AHCY: variants seen among roughly 807,000 people sequenced by gnomAD.
AHCY encodes the protein S-adenosyl-L-homocysteine hydrolase.
Under a neutral mutation model 45.4 loss-of-function variants are expected in AHCY, and 24 were observed. That is an observed-to-expected ratio of 0.53 (90% confidence interval 0.38 to 0.74). The LOEUF is 0.74. Ranked by LOEUF, AHCY falls within the 30% of genes least tolerant of loss-of-function variation. The pLI is 0.00. For synonymous variants in AHCY, 245 were observed against 235.1 expected, an observed-to-expected ratio of 1.04 and a Z score of -0.39; for missense variants, 449 against 594.1, an observed-to-expected ratio of 0.76 and a Z score of 2.54.
At position 34,290,767 on chromosome 20, in the gene AHCY, T is replaced by C. The variant is rs2036353596; in HGVS notation, c.730A>G (p.Ile244Val). The C allele has an allele frequency of 6.2e-7, 1 of 1,613,960 alleles. No homozygotes were observed. Among genetic ancestry groups the C allele is most frequent in the Middle Eastern group, 1.6e-4 (1 of 6,062 alleles). Residue 244 changes from isoleucine (I) to valine (V), a missense_variant, in exon 6 of 10, where the codon ATT (isoleucine) becomes GTT (valine). Physicochemically the swap from Ile to Val is conservative, Grantham distance 29 (BLOSUM62 3). Coordinates refer to ENST00000217426, the MANE Select transcript of AHCY (RefSeq NM_000687.4). The surrounding 1 kb of genome is among the most constrained non-coding windows in gnomAD (Gnocchi z 4.5). Reference protein sequence around the residue: ...GFGARVIITEIDPINALQAAM... With the variant: ...GFGARVIITEVDPINALQAAM... ...GCCTGCAGTGCGTTGATGGGGTCAATCTCGGTGATGATGACGCGGGCTCCG... is the reference window on the plus strand; with the variant it reads ...GCCTGCAGTGCGTTGATGGGGTCAACCTCGGTGATGATGACGCGGGCTCCG...
At position 34,281,566 on chromosome 20, in the gene AHCY, A is replaced by T. The variant is rs1005045199; in HGVS notation, c.1168-401T>A. On this transcript the variant is annotated intron_variant, in intron 9 of 9. Transcript: ENST00000217426. ...GGGTATCTATCAATCTCAGCTCACC[A>T]GTTCCAAGTCTATTTTACAAGTGAA... The T allele has an allele frequency of 2.6e-5, 8 of 313,044 alleles. No individual in the cohort carries two copies. In the Admixed American group the frequency reaches 3.4e-4, roughly 13 times the overall value. 19.4% of individuals were successfully genotyped at this position (313,044 alleles called of 1,614,324 possible).
At chr20:34,289,142 T>TAC (rs2036284246) in intron 8 of AHCY, among the ~76,000 whole-genome samples, 1 of 152,136 alleles carries the variant, frequency 6.6e-6, no homozygotes, top group Non-Finnish European at 1.5e-5. Context: ...TAGCTGGGAT[T>TAC]ACAGGCACCC....
chr20:34,257,163 A>T, the AHCY span, among the ~76,000 whole-genome samples: 1 of 149,968 alleles, frequency 6.7e-6, no homozygotes, highest in Admixed American at 6.7e-5. Context: ...AGCTCACTGC[A>T]ACTTCCTCCC....
At chr20:34,233,246 C>T in the AHCY span, among the ~76,000 whole-genome samples, 1 of 147,356 alleles carries the variant, frequency 6.8e-6, no homozygotes, top group Non-Finnish European at 1.5e-5. Flanking sequence ...CTCCTGGGTT[C>T]ACCCCATTCT....
downstream of AHCY, among the ~76,000 whole-genome samples, chr20:34,278,215 G>A (rs924691307): frequency 6.6e-6 from 1 of 152,270 alleles, no homozygotes; most frequent in Non-Finnish European, 1.5e-5. Context: ...AAGAGGGGCT[G>A]TGTTTTCTGA....
chr20:34,260,567 G>A, the AHCY span: 7 of 1,571,168 alleles, frequency 4.5e-6, no homozygotes, highest in Non-Finnish European at 6.1e-6. Context: ...TCTGGCCCAG[G>A]AGAGGGGCTG....
At chr20:34,267,330 TA>T in the AHCY span, among the ~76,000 whole-genome samples, 1 of 151,794 alleles carries the variant, frequency 6.6e-6, no homozygotes, top group East Asian at 1.9e-4. Context: ...AAGTAGCATT[TA>T]AATAGAGTGA....
At chr20:34,233,943 G>A in the AHCY span, among the ~76,000 whole-genome samples, 1 of 152,232 alleles carries the variant, frequency 6.6e-6, no homozygotes. Flanking sequence ...AACACTCAGT[G>A]CAATATGGCC....
chr20:34,255,729 G>A, the AHCY span, among the ~76,000 whole-genome samples: 8 of 152,230 alleles, frequency 5.3e-5, no homozygotes, highest in East Asian at 1.5e-3. Flanking sequence ...GAAGACAAGA[G>A]TGTGAGCCCT....
At chr20:34,235,272 T>C in the AHCY span, among the ~76,000 whole-genome samples, 5 of 152,160 alleles carry the variant, frequency 3.3e-5, no homozygotes, top group Non-Finnish European at 7.3e-5. Flanking sequence ...AAACCCCGTC[T>C]CTACTAAAAA....
chr20:34,244,312 A>C, the AHCY span, among the ~76,000 whole-genome samples: 42 of 152,294 alleles, frequency 2.8e-4, no homozygotes, highest in African/African-American at 9.6e-4. Context: ...TTCACTTGCT[A>C]TTTCCAGGAC....
the AHCY span, among the ~76,000 whole-genome samples, chr20:34,274,845 T>C: frequency 1.3e-5 from 2 of 152,034 alleles, no homozygotes; most frequent in Non-Finnish European, 2.9e-5. Context: ...TCTGAGCTAT[T>C]TGGGAGGCTG....
At chr20:34,245,265 C>A in the AHCY span, among the ~76,000 whole-genome samples, 1 of 134,332 alleles carries the variant, frequency 7.4e-6, no homozygotes, top group African/African-American at 2.8e-5. Flanking sequence ...ACCTGGGAGG[C>A]GGAGGTGGCA....
At chr20:34,264,316 C>T in the AHCY span, among the ~76,000 whole-genome samples, 1 of 152,150 alleles carries the variant, frequency 6.6e-6, no homozygotes, top group African/African-American at 2.4e-5. Context: ...GTTGCCATTG[C>T]GGCATGCTCA....
the AHCY span, among the ~76,000 whole-genome samples, chr20:34,254,887 T>A: frequency 6.6e-6 from 1 of 152,138 alleles, no homozygotes; most frequent in Non-Finnish European, 1.5e-5. Flanking sequence ...CAAATAAGAT[T>A]TACTCCACTG....
downstream of AHCY, among the ~76,000 whole-genome samples, chr20:34,278,595 T>G (rs986082594): frequency 6.6e-5 from 10 of 152,188 alleles, no homozygotes; most frequent in Admixed American, 5.9e-4. Context: ...TTGGGAAATC[T>G]GAATCCAGGC....
chr20:34,286,095 ACT>A, intron 8 of AHCY: 1 of 206,994 alleles, frequency 4.8e-6, no homozygotes, highest in Non-Finnish European at 9.9e-6. Flanking sequence ...ACGGAGCGAG[ACT>A]CTGTCTCAAA....
chr20:34,292,060 C>T (rs1412548742), intron 4 of AHCY, among the ~76,000 whole-genome samples: 4 of 152,242 alleles, frequency 2.6e-5, no homozygotes, highest in Non-Finnish European at 5.9e-5. Flanking sequence ...TCCAGCCATT[C>T]CTGCCTCAGG....
chr20:34,252,699 G>T, the AHCY span, among the ~76,000 whole-genome samples: 4 of 152,120 alleles, frequency 2.6e-5, no homozygotes, highest in East Asian at 7.7e-4. Context: ...CCCTTTATGG[G>T]TGTCGGGTTG....
Sources: allele counts gnomAD v4.1 joint callset (sites outside exome capture counted in the v4.1 genomes callset), GRCh38; gene constraint gnomAD v4.1.1; non-coding constraint Gnocchi (gnomAD v3.1); transcripts MANE v1.5; gene names NCBI Gene and HGNC (gene_info 2026-07-23, HGNC 2026-07-21).